IBTK: variants seen among roughly 807,000 people sequenced by gnomAD.
The protein encoded by IBTK is BTK-binding protein.
Under a neutral mutation model 154.9 loss-of-function variants are expected in IBTK, and 83 were observed. The observed-to-expected ratio is 0.54, with a 90% CI of 0.45 to 0.64. The LOEUF is 0.64. Among genes scored for constraint, IBTK ranks in the 30% least tolerant of loss-of-function variants. The pLI is 0.00. For synonymous variants in IBTK, 515 were observed against 536.1 expected (o/e 0.96, Z 0.54); for missense variants, 1,332 against 1,584.6 (o/e 0.84, Z 2.71).
chr6:82,237,360 C>G (rs1056805294), intron 2 of IBTK, among the ~76,000 whole-genome samples: 1 of 151,446 alleles, frequency 6.6e-6, no homozygotes, highest in Non-Finnish European at 1.5e-5. Context: ...GGGAATTAAA[C>G]AGATACCCCA....
In IBTK at chr6:82,240,733, T is replaced by A; in HGVS notation, c.-247A>T. 2.1e-6 allele frequency: 1 copy of A among 478,308 alleles called. No individual in the cohort carries two copies. 29.6% of individuals were successfully genotyped at this position (478,308 alleles called of 1,614,324 possible). A position where few individuals can be genotyped will look rare whatever the true frequency, so the allele number is the denominator to read the frequency against. On this transcript the variant is annotated 5_prime_UTR_variant, in exon 2 of 29. Coordinates refer to ENST00000306270, the MANE Select transcript of IBTK (RefSeq NM_015525.4). ...AATACAAGTTCTTCATTTAAAAAAATTCCACAGTTTATAAATTATTCCTGG... is the reference window on the plus strand; with the variant it reads ...AATACAAGTTCTTCATTTAAAAAAAATCCACAGTTTATAAATTATTCCTGG...
At chr6:82,209,318 C>A (rs1318069194) in intron 16 of IBTK, among the ~76,000 whole-genome samples, 2 of 152,118 alleles carry the variant, frequency 1.3e-5, no homozygotes, top group Non-Finnish European at 2.9e-5. Context: ...TAAAAACAAC[C>A]CCAACATCCA....
chr6:82,171,255 TTTA>T lies in IBTK; in HGVS notation c.*167_*169del, dbSNP rs1198552088. On this transcript the variant is annotated 3_prime_UTR_variant, in exon 29 of 29. Coordinates refer to ENST00000306270, the MANE Select transcript of IBTK (RefSeq NM_015525.4). Reference sequence around the variant, plus strand: ...TTACTAAAATCACAATTCTGAGAAATTTATTTTTAATCATACAAACATTATATG... The same window carrying T: ...TTACTAAAATCACAATTCTGAGAAATTTTTTAATCATACAAACATTATATG... 2 of 440,944 alleles carry T rather than the reference TTTA, an allele frequency of 4.5e-6. No homozygotes were observed. Among genetic ancestry groups the T allele is most frequent in the African/African-American group, 4.1e-5 (2 of 48,986 alleles). 27.3% of individuals were successfully genotyped at this position (440,944 alleles called of 1,614,324 possible).
At chr6:82,184,629 C>T (rs1768474188) in intron 25 of IBTK, among the ~76,000 whole-genome samples, 2 of 152,120 alleles carry the variant, frequency 1.3e-5, no homozygotes, top group South Asian at 4.1e-4. Context: ...CTTTCCATTG[C>T]CACACCTAAC....
intron 25 of IBTK, among the ~76,000 whole-genome samples, chr6:82,182,405 C>T (rs1012001685): frequency 2.0e-5 from 3 of 151,510 alleles, no homozygotes; most frequent in African/African-American, 4.8e-5. Context: ...TAAAAATTCA[C>T]TGTATAGATG....
chr6:82,232,894 T>C (rs1276729735), intron 3 of IBTK, among the ~76,000 whole-genome samples: 1 of 152,168 alleles, frequency 6.6e-6, no homozygotes, highest in Non-Finnish European at 1.5e-5. Context: ...GGTTCATGCC[T>C]GTAATCCCAG....
chr6:82,182,540 G>T (rs896195158), intron 25 of IBTK, among the ~76,000 whole-genome samples: 23 of 152,020 alleles, frequency 1.5e-4, no homozygotes, highest in Non-Finnish European at 3.2e-4. Flanking sequence ...TGCCATATGT[G>T]TTAACTGAAG....
At position 82,193,948 on chromosome 6, in the gene IBTK, C is replaced by T. The variant is rs569167627; in HGVS notation, c.3338+531G>A. On this transcript the variant is annotated intron_variant, in intron 23 of 28. Transcript: ENST00000306270. ...CCACCCACCTCAGCCTCCCAAAGTG[C>T]TAGGATTACAGGCATGAGCCACCAT... Among the ~76,000 whole-genome samples, 6 of 152,188 alleles carry T rather than the reference C, an allele frequency of 3.9e-5. No individual in the cohort carries two copies. The South Asian group carries it at 8.3e-4, about 21-fold the overall frequency.
intron 4 of IBTK, among the ~76,000 whole-genome samples, chr6:82,227,822 C>A (rs1417548007): frequency 6.6e-6 from 1 of 151,794 alleles, no homozygotes; most frequent in Non-Finnish European, 1.5e-5. Context: ...ATCAACATGT[C>A]TTTAATATAC....
rs1430806897 is a variant in IBTK at position 82,182,038 on chromosome 6, A to G, written c.3576-10T>C. On this transcript the variant is annotated splice_polypyrimidine_tract_variant and intron_variant, in intron 25 of 28. Coordinates refer to ENST00000306270, the MANE Select transcript of IBTK (RefSeq NM_015525.4). ...ATGCAGAGAAGATGCCCTGCAAAAG[A>G]AAGCAAAGATCATGTTAAAACATCC... 2 of 1,587,638 alleles carry G rather than the reference A, an allele frequency of 1.3e-6. No individual in the cohort carries two copies. The highest frequency in any genetic ancestry group is 8.5e-7 in the Non-Finnish European group (1 of 1,174,386).
chr6:82,232,122 C>T (rs907681356), intron 3 of IBTK, among the ~76,000 whole-genome samples: 14 of 151,404 alleles, frequency 9.2e-5, no homozygotes, highest in East Asian at 3.9e-4. Flanking sequence ...CTTCACCTCA[C>T]GGGCTCAAGT....
At position 82,172,395 on chromosome 6, in the gene IBTK, C is replaced by T. The variant is rs138909740; in HGVS notation, c.3915G>A (p.Pro1305=). 3.2e-5 allele frequency: 52 copies of T among 1,613,296 alleles called. No individual in the cohort carries two copies. Among genetic ancestry groups the T allele is most frequent in the Admixed American group, 6.7e-5 (4 of 59,912 alleles). The change falls in exon 28 of 29, where the codon CCG becomes CCA. Residue 1305 remains proline, a synonymous_variant. Coordinates refer to ENST00000306270, the MANE Select transcript of IBTK (RefSeq NM_015525.4). ...TGTTATTTACCTGAATCAGAGCCAA[C>T]GGTTTTTCTCGACTTCTAATAAGAG... ...EAALIRSREK[P]LALIQIEEHA... is the part of the protein sequence containing the mutation.
chr6:82,231,300 T>G (rs7766046), intron 4 of IBTK, among the ~76,000 whole-genome samples: 35,993 of 151,694 alleles, frequency 0.24, 4,310 homozygotes, highest in African/African-American at 0.28. Context: ...ATTATTTTAT[T>G]TTTTAATGCC....
intron 26 of IBTK, among the ~76,000 whole-genome samples, chr6:82,178,961 G>A (rs1768217366): frequency 6.6e-6 from 1 of 152,244 alleles, no homozygotes; most frequent in Non-Finnish European, 1.5e-5. Flanking sequence ...TGTAGGCCTT[G>A]AAGGCCATGT....
chr6:82,247,365 C>T (rs1210675491), intron 1 of IBTK, among the ~76,000 whole-genome samples, 197 bp downstream of exon 1: 2 of 152,240 alleles, frequency 1.3e-5, no homozygotes, highest in African/African-American at 2.4e-5. Context: ...GCGGTAGGGA[C>T]CCTGGCCACT....
Position 82,240,852 on chromosome 6 carries a change from G to A in IBTK, c.-357-9C>T. The A allele has an allele frequency of 2.5e-6, 1 of 405,130 alleles. No homozygotes were observed. The highest frequency in any genetic ancestry group is 4.3e-6 in the Non-Finnish European group (1 of 230,412). 25.1% of individuals were successfully genotyped at this position (405,130 alleles called of 1,614,324 possible). ...ATAATTGCAAGGGTGACCTATAAGA[G>A]AAAGAGAAGAGAAAATAAAAATTCA... On this transcript the variant is annotated splice_polypyrimidine_tract_variant and intron_variant, in intron 1 of 28. Coordinates refer to ENST00000306270, the MANE Select transcript of IBTK (RefSeq NM_015525.4).
intron 25 of IBTK, among the ~76,000 whole-genome samples, chr6:82,186,463 GT>G (rs954620294): frequency 6.6e-5 from 10 of 151,290 alleles, no homozygotes; most frequent in Middle Eastern, 3.4e-3. Flanking sequence ...TTACATTAAG[GT>G]TTTTTTTTGT....
chr6:82,234,081 C>T (rs1448323143), intron 3 of IBTK, 78 bp downstream of exon 3: 6 of 519,902 alleles, frequency 1.2e-5, no homozygotes, highest in African/African-American at 4.1e-5. Flanking sequence ...TGAAGTGATC[C>T]GCCTGCCTCA....
rs767324206 is a variant in IBTK at position 82,210,876 on chromosome 6, T to C, written c.2447A>G (p.His816Arg). The C allele has an allele frequency of 3.8e-6, 6 of 1,576,758 alleles. 1 individual carries two copies. In the South Asian group the frequency reaches 7.1e-5, roughly 19 times the overall value. ...SSCAALEMPI[H>R]SDILKVILDY... is the part of the protein sequence containing the mutation. ...CAAAATAACTTTTAATATATCAGAA[T>C]GTATTGGCATTTCCAGAGCTGCACA... is the stretch of plus-strand genomic sequence containing the variant. Residue 816 changes from histidine to arginine, a missense_variant, in exon 16 of 29, where the codon CAT becomes CGT. Around this residue, in one of 3 missense-constraint regions of IBTK, gnomAD observed 1,134 missense variants for 1,274.7 expected, o/e 0.89. Transcript: ENST00000306270.
Sources: gnomAD v4.1 joint callset for allele counts (sites outside exome capture counted in the v4.1 genomes callset) on GRCh38, gnomAD v4.1.1 for gene constraint, gnomAD v4.1.1 regional missense constraint, MANE v1.5 for transcripts, NCBI Gene and HGNC (gene_info 2026-07-23, HGNC 2026-07-21) for gene names.